The following KCNT2 variants were observed in gnomAD, a reference collection of about 807,000 sequenced individuals.
The protein encoded by KCNT2 is potassium channel subfamily T member 2.
A neutral mutation model predicts 153.8 loss-of-function variants in KCNT2; 67 were observed. That is an observed-to-expected ratio of 0.44 (90% CI 0.36 to 0.53). The LOEUF (loss-of-function observed/expected upper bound fraction) is 0.53. Ranked by LOEUF, KCNT2 falls within the 20% of genes least tolerant of loss-of-function variation. KCNT2 has a pLI of 0.00. For missense variants in KCNT2, 975 were observed against 1,354.8 expected (o/e 0.72, Z 4.40); for synonymous variants, 500 against 458.8 (o/e 1.09, Z -1.15).
intron 26 of KCNT2, among the ~76,000 whole-genome samples, chr1:196,252,725 T>C (rs1342390219): frequency 6.6e-6 from 1 of 151,562 alleles, no homozygotes; most frequent in South Asian, 2.1e-4. Context: ...TTTTCTTCTG[T>C]TTTGGGAAAG....
At chr1:196,599,630 C>A (rs1031999282) in intron 1 of KCNT2, among the ~76,000 whole-genome samples, 1 of 152,194 alleles carries the variant, frequency 6.6e-6, no homozygotes, top group Non-Finnish European at 1.5e-5. Flanking sequence ...ACAGCTAAGA[C>A]TCTAAAGAGG....
At chr1:196,231,740 A>T (rs75291187) in intron 27 of KCNT2, among the ~76,000 whole-genome samples, 5,807 of 151,894 alleles carry the variant, frequency 0.038, 160 homozygotes, top group South Asian at 0.082. Context: ...AAATCATGGT[A>T]GGTAAAGTCA....
At chr1:196,528,483 A>G (rs370597467) in intron 1 of KCNT2, among the ~76,000 whole-genome samples, 5 of 152,290 alleles carry the variant, frequency 3.3e-5, no homozygotes, top group South Asian at 2.1e-4. Context: ...GGCATGAACT[A>G]ACTTCTTATT....
intron 8 of KCNT2, among the ~76,000 whole-genome samples, chr1:196,459,145 T>C (rs1307606420): frequency 6.6e-6 from 1 of 151,768 alleles, no homozygotes; most frequent in African/African-American, 2.4e-5. Flanking sequence ...CCAGTCTTTC[T>C]ATTGTCAAAA....
At chr1:196,269,351 G>C (rs1226131948) in intron 25 of KCNT2, among the ~76,000 whole-genome samples, 1 of 152,066 alleles carries the variant, frequency 6.6e-6, no homozygotes, top group East Asian at 1.9e-4. Context: ...ATGCGAGTGT[G>C]TGTATATGTG....
intron 1 of KCNT2, among the ~76,000 whole-genome samples, chr1:196,536,339 A>T (rs1655568508): frequency 6.6e-6 from 1 of 152,234 alleles, no homozygotes; most frequent in South Asian, 2.1e-4. Context: ...TTAAGCCTCG[A>T]TAAACTGCCC....
At chr1:196,390,652 A>G (rs1448704974) in intron 13 of KCNT2, among the ~76,000 whole-genome samples, 1 of 151,008 alleles carries the variant, frequency 6.6e-6, no homozygotes, top group Non-Finnish European at 1.5e-5. Flanking sequence ...TTAAAATTTT[A>G]TGCCTTTACC....
intron 1 of KCNT2, among the ~76,000 whole-genome samples, chr1:196,571,774 A>T (rs1660807332): frequency 6.6e-6 from 1 of 152,052 alleles, no homozygotes; most frequent in Non-Finnish European, 1.5e-5. Context: ...CTTCCACAGA[A>T]AGGGTCAGCT....
chr1:196,469,125 G>C (rs1039944490), intron 5 of KCNT2, 57 bp from the exon 6 acceptor site: 30 of 981,612 alleles, frequency 3.1e-5, no homozygotes, highest in Middle Eastern at 2.1e-4. Context: ...CTATTAAAGG[G>C]GGAAAAAGAC....
intron 1 of KCNT2, among the ~76,000 whole-genome samples, chr1:196,528,107 G>GT (rs757793325): frequency 5.9e-5 from 9 of 152,036 alleles, no homozygotes; most frequent in East Asian, 1.9e-4. Context: ...AAAACCTTAC[G>GT]TTTTTTCTGT....
chr1:196,251,127 T>C (rs1295106322), intron 26 of KCNT2, among the ~76,000 whole-genome samples: 3 of 152,066 alleles, frequency 2.0e-5, no homozygotes, highest in Non-Finnish European at 4.4e-5. Flanking sequence ...GCTAGGTATA[T>C]ACCCAAAAGA....
intron 13 of KCNT2, among the ~76,000 whole-genome samples, chr1:196,390,684 A>G (rs1341446820): frequency 7.0e-6 from 1 of 142,734 alleles, no homozygotes; most frequent in Non-Finnish European, 1.6e-5. Context: ...TTATTCTCAC[A>G]CTACTTCTCC....
chr1:196,324,337 G>T (rs185623597), intron 19 of KCNT2, among the ~76,000 whole-genome samples: 1 of 151,848 alleles, frequency 6.6e-6, no homozygotes, highest in Non-Finnish European at 1.5e-5. Context: ...AACCCTGTAA[G>T]TTGAAAGAAA....
intron 12 of KCNT2, among the ~76,000 whole-genome samples, chr1:196,411,826 A>C (rs1176590307): frequency 2.0e-5 from 3 of 151,780 alleles, no homozygotes; most frequent in Admixed American, 6.6e-5. Context: ...CCTTCAGTGG[A>C]TGCCTGAAAT....
intron 1 of KCNT2, among the ~76,000 whole-genome samples, chr1:196,553,760 A>G (rs953608163): frequency 3.3e-5 from 5 of 150,832 alleles, no homozygotes; most frequent in African/African-American, 1.2e-4. Flanking sequence ...AAACATTAAA[A>G]AAAATGAAAT....
At chr1:196,483,161 G>A (rs530871994) in intron 3 of KCNT2, among the ~76,000 whole-genome samples, 8 of 152,150 alleles carry the variant, frequency 5.3e-5, no homozygotes, top group Non-Finnish European at 1.2e-4. Context: ...TTAAGTAAAC[G>A]GTGCCAAATC....
At chr1:196,510,872 A>T (rs1681555661) in intron 1 of KCNT2, among the ~76,000 whole-genome samples, 1 of 152,174 alleles carries the variant, frequency 6.6e-6, no homozygotes, top group Non-Finnish European at 1.5e-5. Flanking sequence ...ATTAGCAATT[A>T]CCTTTTATTA....
chr1:196,387,040 G>A (rs1670053585), intron 13 of KCNT2, among the ~76,000 whole-genome samples: 1 of 151,944 alleles, frequency 6.6e-6, no homozygotes, highest in South Asian at 2.1e-4. Context: ...TCACTGCTTA[G>A]ATATAACCAT....
chr1:196,506,809 T>C (rs903451227), intron 1 of KCNT2, among the ~76,000 whole-genome samples: 2 of 152,192 alleles, frequency 1.3e-5, no homozygotes, highest in Non-Finnish European at 2.9e-5. Flanking sequence ...CAATTATTTG[T>C]TGTTTATGGT....
Sources: gnomAD v4.1 joint callset for allele counts (sites outside exome capture counted in the v4.1 genomes callset) on GRCh38, gnomAD v4.1.1 for gene constraint, MANE v1.5 for transcripts, NCBI Gene and HGNC (gene_info 2026-07-23, HGNC 2026-07-21) for gene names.